Variants in TSPAN32 observed in about 807,000 individuals in gnomAD.
TSPAN32 encodes the protein tetraspanin 32.
In TSPAN32, 47 loss-of-function variants were observed where a neutral mutation model predicts 42.7. That is an observed-to-expected ratio of 1.10 (90% CI 0.87 to 1.40). TSPAN32 has a LOEUF of 1.40. TSPAN32 is among the 40% of genes most tolerant of loss of function. The pLI, the probability that TSPAN32 is intolerant of heterozygous loss-of-function variation, is 0.00. For synonymous variants in TSPAN32, 175 were observed against 175.9 expected (o/e 0.99, Z 0.04); for missense variants, 469 against 424.1 (o/e 1.11, Z -0.93).
intron 4 of TSPAN32, among the ~76,000 whole-genome samples, chr11:2,311,193 A>G (rs1229221337): frequency 6.6e-6 from 1 of 152,096 alleles, no homozygotes; most frequent in Non-Finnish European, 1.5e-5. Flanking sequence ...GGAAGGGACC[A>G]GCCACATGCC....
At position 2,317,879 on chromosome 11, in the gene TSPAN32, TCG is replaced by T. The variant is rs761081443; in HGVS notation, c.921_922del (p.Gly308TrpfsTer7). 17 of 1,508,856 alleles carry T rather than the reference TCG, an allele frequency of 1.1e-5. No individual in the cohort carries two copies. Among genetic ancestry groups the T allele is most frequent in the Non-Finnish European group, 1.0e-5 (11 of 1,084,400 alleles). The allele number at this position is 1,508,856 out of a possible 1,614,324, so 93.5% of individuals were successfully genotyped here. On this transcript the variant is annotated frameshift_variant, in exon 10 of 10. Coordinates refer to ENST00000182290, the MANE Select transcript of TSPAN32 (RefSeq NM_139022.3). LOFTEE classifies it low-confidence loss of function (END_TRUNC). The surrounding 1 kb of genome is among the most constrained non-coding windows in gnomAD (Gnocchi z 6.2). ...ATCTCGCAGCTCTCCAGGGCAGAAG[TCG>T]CGGTGGGCTCAGTGGGTGCCCTGAG... is the stretch of plus-strand genomic sequence containing the variant. The part of the protein sequence containing the change: ...AAHRALQGRS[R>X]GGLSGCPERG...
At position 2,304,027 on chromosome 11, in the gene TSPAN32, T is replaced by G; in HGVS notation, c.182-80T>G. 1 of 1,137,042 alleles carries G rather than the reference T, an allele frequency of 8.8e-7. No individual in the cohort carries two copies. The highest frequency in any genetic ancestry group is 1.3e-6 in the Non-Finnish European group (1 of 774,594). The allele number at this position is 1,137,042 out of a possible 1,614,324, so 70.4% of individuals were successfully genotyped here. ...TCCCTCACGGCCCCTGACTCCCAAG[T>G]TAGATTTCACACCCAGGCTGTGTGC... On this transcript the variant is annotated intron_variant, in intron 2 of 9. Transcript: ENST00000182290. The surrounding 1 kb of genome is among the most constrained non-coding windows in gnomAD (Gnocchi z 4.8).
chr11:2,309,390 G>A (rs550278120), intron 4 of TSPAN32: 9 of 468,230 alleles, frequency 1.9e-5, no homozygotes, highest in African/African-American at 1.6e-4. Flanking sequence ...GTGGGCAGGG[G>A]CCAAGGGCGT....
chr11:2,315,886 G>A (rs1204336966), intron 6 of TSPAN32: 1 of 1,437,936 alleles, frequency 7.0e-7, no homozygotes, highest in Non-Finnish European at 9.3e-7. Context: ...GCCCGGCCCT[G>A]GGCTGGATGC....
In TSPAN32 at chr11:2,317,806, C is replaced by T. The variant is rs1012797462; in HGVS notation, c.902-57C>T. The T allele has an allele frequency of 1.9e-5, 31 of 1,602,162 alleles. No individual in the cohort carries two copies. The highest frequency in any genetic ancestry group is 6.9e-5 in the Admixed American group (4 of 57,952). On this transcript the variant is annotated intron_variant, in intron 9 of 9. Transcript: ENST00000182290. This position sits in a 1 kb window ranked among gnomAD's most constrained non-coding sequence, Gnocchi z 6.2. ...CAAGCTGCACTGGTTTTCTATGCTG[C>T]GTAAGAAGCAGCATGGATGTAAGGA... is the stretch of plus-strand genomic sequence containing the variant.
rs1416604488 is a variant in TSPAN32, at chr11:2,317,941, G to C, written c.*17G>C. 1.1e-6 allele frequency: 1 copy of C among 914,598 alleles called. No homozygotes were observed. Among genetic ancestry groups the C allele is most frequent in the Admixed American group, 1.7e-5 (1 of 58,298 alleles). The allele number at this position is 914,598 out of a possible 1,614,324, so 56.7% of individuals were successfully genotyped here. A position where few individuals can be genotyped will look rare whatever the true frequency, so the allele number is the denominator to read the frequency against. On this transcript the variant is annotated 3_prime_UTR_variant, in exon 10 of 10. Coordinates refer to ENST00000182290, the MANE Select transcript of TSPAN32 (RefSeq NM_139022.3). This position sits in a 1 kb window ranked among gnomAD's most constrained non-coding sequence, Gnocchi z 6.2. Reference sequence around the variant, plus strand: ...TCAGACTGACGTCAGGCCTTGGTGGGCTGCACTCTCACCTGGAGGCTCCGG... The same window carrying C: ...TCAGACTGACGTCAGGCCTTGGTGGCCTGCACTCTCACCTGGAGGCTCCGG...
At position 2,313,721 on chromosome 11, in the gene TSPAN32, T is replaced by C; in HGVS notation, c.422T>C (p.Val141Ala). The stretch of plus-strand genomic sequence containing the variant: ...CAGGCGATGAAAGGTACGTCCCACG[T>C]CCGGCGGCAGGAGCTGGCGGCCATC... ...YEQAMKGTSH[V>A]RRQELAAIQD... Residue 141 changes from valine (V) to alanine (A), a missense_variant, in exon 5 of 10, where the codon GTC becomes GCC. Transcript: ENST00000182290. The surrounding 1 kb of genome is among the most constrained non-coding windows in gnomAD (Gnocchi z 9.1). 6.2e-7 allele frequency: 1 copy of C among 1,606,846 alleles called. No homozygotes were observed. Among genetic ancestry groups the C allele is most frequent in the Non-Finnish European group, 8.5e-7 (1 of 1,177,872 alleles).
At chr11:2,316,166 G>A (rs1233103060) in intron 6 of TSPAN32, 63 bp from the exon 7 acceptor site, 7 of 1,513,310 alleles carry the variant, frequency 4.6e-6, no homozygotes, top group African/African-American at 1.4e-5. Context: ...GCCCCACAGA[G>A]GCCGCTTGTC....
chr11:2,314,451 G>A, intron 5 of TSPAN32, 34 bp from the exon 6 acceptor site: 1 of 1,570,656 alleles, frequency 6.4e-7, no homozygotes, highest in Non-Finnish European at 8.7e-7. Context: ...GGTCTCGGGA[G>A]CACATCACCA....
At chr11:2,310,841 G>A (rs1440800955) in intron 4 of TSPAN32, among the ~76,000 whole-genome samples, 1 of 152,148 alleles carries the variant, frequency 6.6e-6, no homozygotes, top group Non-Finnish European at 1.5e-5. Flanking sequence ...GGGTGTGGAT[G>A]GAGTGGCTTT....
At chr11:2,314,176 A>AG (rs2133366830) in intron 5 of TSPAN32, among the ~76,000 whole-genome samples, 1 of 151,082 alleles carries the variant, frequency 6.6e-6, no homozygotes, top group Non-Finnish European at 1.5e-5. Context: ...AAAAAAAAAA[A>AG]AAGAAAAGAA....
chr11:2,306,181 G>A (rs1841697093), intron 3 of TSPAN32, among the ~76,000 whole-genome samples: 1 of 152,138 alleles, frequency 6.6e-6, no homozygotes, highest in Non-Finnish European at 1.5e-5. Context: ...CACAAGTGAA[G>A]GGGCTAGGGA....
chr11:2,314,581 G>A lies in TSPAN32; in HGVS notation c.543+10G>A, dbSNP rs759121721. ...GGAGGCGGCGAGAGAGGTGAGGGGG[G>A]GACCTGGATGCTGGCCAGGCAAGAC... On this transcript the variant is annotated intron_variant, in intron 6 of 9. Coordinates refer to ENST00000182290, the MANE Select transcript of TSPAN32 (RefSeq NM_139022.3). The A allele has an allele frequency of 6.3e-7, 1 of 1,599,210 alleles. No individual in the cohort carries two copies.
chr11:2,305,384 A>AGG (rs1848023410), intron 3 of TSPAN32, among the ~76,000 whole-genome samples: 2 of 122,730 alleles, frequency 1.6e-5, no homozygotes, highest in Non-Finnish European at 3.8e-5. Flanking sequence ...CCCCCCCCAG[A>AGG]GGGTGTGTGG....
chr11:2,316,810 T>C, intron 8 of TSPAN32, 143 bp downstream of exon 8: 1 of 900,344 alleles, frequency 1.1e-6, no homozygotes, highest in Non-Finnish European at 1.6e-6. Flanking sequence ...TGGGGGTGGC[T>C]GAGCACCAGG....
At position 2,317,198 on chromosome 11, in the gene TSPAN32, C is replaced by G. The variant is rs1848847455; in HGVS notation, c.720-146C>G. 4.6e-6 allele frequency: 3 copies of G among 648,794 alleles called. No homozygotes were observed. The South Asian group carries it at 6.0e-5, about 13-fold the overall frequency. 40.2% of individuals were successfully genotyped at this position (648,794 alleles called of 1,614,324 possible). ...AACATTCTGCAACAGCCTCACAGTC[C>G]CCCTAGAACATTCCACAGCAGCTCC... On this transcript the variant is annotated intron_variant, in intron 8 of 9. Coordinates refer to ENST00000182290, the MANE Select transcript of TSPAN32 (RefSeq NM_139022.3). The surrounding 1 kb of genome is among the most constrained non-coding windows in gnomAD (Gnocchi z 6.2).
intron 2 of TSPAN32, 102 bp downstream of exon 2, chr11:2,303,060 C>A: frequency 2.7e-6 from 3 of 1,114,248 alleles, no homozygotes; most frequent in Non-Finnish European, 3.9e-6. Context: ...GGTGCCAGGC[C>A]CTAGGCAGGA....
Position 2,316,221 on chromosome 11 carries a change from T to C in TSPAN32, c.544-8T>C, listed in dbSNP as rs371979315. On this transcript the variant is annotated splice_region_variant and splice_polypyrimidine_tract_variant and intron_variant, in intron 6 of 9. Coordinates refer to ENST00000182290, the MANE Select transcript of TSPAN32 (RefSeq NM_139022.3). ...AGGGCGGGTACCATGCCTGCTGCCC[T>C]CTCACAGGACTGCCTTCAGGGCATC... 6.8e-5 allele frequency: 107 copies of C among 1,565,238 alleles called. No individual in the cohort carries two copies. The highest frequency in any genetic ancestry group is 8.6e-5 in the Non-Finnish European group (100 of 1,157,442).
At chr11:2,314,876 C>G (rs150331162) in intron 6 of TSPAN32, 3 of 428,018 alleles carry the variant, frequency 7.0e-6, no homozygotes, top group South Asian at 2.4e-5. Context: ...CTGGGGACTT[C>G]CCAAGGCCAG....
Sources: gnomAD v4.1 joint callset for allele counts (sites outside exome capture counted in the v4.1 genomes callset) on GRCh38, gnomAD v4.1.1 for gene constraint, Gnocchi (gnomAD v3.1) non-coding constraint, MANE v1.5 for transcripts, NCBI Gene and HGNC (gene_info 2026-07-23, HGNC 2026-07-21) for gene names.